Variants in PTPRG observed in about 807,000 individuals in gnomAD.
The protein encoded by PTPRG is receptor-type tyrosine-protein phosphatase gamma.
PTPRG carries 102 observed loss-of-function variants against 165.3 expected under a neutral mutation model. The ratio of observed to expected loss-of-function variants is 0.62; its 90% CI spans 0.53 to 0.73. The LOEUF is 0.73. PTPRG is among the 30% of genes least tolerant of loss of function. The pLI, the probability that PTPRG is intolerant of heterozygous loss-of-function variation, is 0.00. For synonymous variants in PTPRG, 675 were observed against 669.5 expected (o/e 1.01, Z -0.13); for missense variants, 1,866 against 1,861.4 (o/e 1.00, Z -0.05).
chr3:61,914,891 T>C (rs1324445670), intron 2 of PTPRG, among the ~76,000 whole-genome samples: 4 of 152,236 alleles, frequency 2.6e-5, no homozygotes, highest in Non-Finnish European at 5.9e-5. Flanking sequence ...TCTCCAAATG[T>C]TACCATATTG....
At chr3:61,720,212 C>A (rs1240994714) in intron 1 of PTPRG, among the ~76,000 whole-genome samples, 1 of 152,002 alleles carries the variant, frequency 6.6e-6, no homozygotes, top group African/African-American at 2.4e-5. Context: ...CTGCCTCCAC[C>A]TCCTGGGTTC....
intron 2 of PTPRG, among the ~76,000 whole-genome samples, chr3:61,948,241 C>G (rs2039812078): frequency 6.6e-6 from 1 of 152,106 alleles, no homozygotes; most frequent in South Asian, 2.1e-4. Flanking sequence ...AGGAGAATTG[C>G]TTGAACCCAG....
chr3:62,030,580 A>G (rs1277454321), intron 4 of PTPRG, among the ~76,000 whole-genome samples: 2 of 152,152 alleles, frequency 1.3e-5, no homozygotes, highest in African/African-American at 2.4e-5. Flanking sequence ...GTCATCATTG[A>G]TCAATCAGTT....
At chr3:61,800,732 C>G (rs370571798) in intron 2 of PTPRG, among the ~76,000 whole-genome samples, 2 of 151,790 alleles carry the variant, frequency 1.3e-5, no homozygotes, top group African/African-American at 4.8e-5. Context: ...CAACCTCTGC[C>G]TCCTGGGTTC....
chr3:61,580,908 T>C (rs1279117455), intron 1 of PTPRG, among the ~76,000 whole-genome samples: 1 of 152,240 alleles, frequency 6.6e-6, no homozygotes, highest in African/African-American at 2.4e-5. Flanking sequence ...TGTACTGGTT[T>C]CTGGAGGTTT....
Position 62,092,439 on chromosome 3 carries a change from G to GAAA in PTPRG, c.615+14199_615+14201dup, listed in dbSNP as rs55955359. Among the ~76,000 whole-genome samples the GAAA allele has an allele frequency of 4.6e-3, 411 of 89,400 alleles. 9 individuals carry two copies. The highest frequency in any genetic ancestry group is 0.019 in the African/African-American group (378 of 19,856). 58.6% of individuals were successfully genotyped at this position (89,400 alleles called of 152,430 possible). ...TGGGCAACAGAGCAAGAGTCCATCT[G>GAAA]AAAAAAAAAAAAAAAAAAAAGAAAA... On this transcript the variant is annotated intron_variant, in intron 5 of 29. Transcript: ENST00000474889.
intron 5 of PTPRG, among the ~76,000 whole-genome samples, chr3:62,084,084 C>T (rs756261090): frequency 2.6e-5 from 4 of 152,152 alleles, no homozygotes; most frequent in Non-Finnish European, 1.5e-5. Context: ...CATTAAGAAA[C>T]GTTTCTTATG....
At chr3:61,951,753 A>T (rs973169953) in intron 2 of PTPRG, among the ~76,000 whole-genome samples, 9 of 152,196 alleles carry the variant, frequency 5.9e-5, no homozygotes, top group African/African-American at 1.7e-4. Context: ...TCTGTTGCTG[A>T]TGGGGTTACT....
chr3:61,804,014 C>T (rs973070620), intron 2 of PTPRG, among the ~76,000 whole-genome samples: 1 of 152,162 alleles, frequency 6.6e-6, no homozygotes, highest in Admixed American at 6.5e-5. Context: ...AGACCACATT[C>T]ATTCATGGAG....
At position 62,203,604 on chromosome 3, in the gene PTPRG, C is replaced by T. The variant is rs142654692; in HGVS notation, c.1809C>T (p.Ser603=). Reference sequence around the variant, plus strand: ...ACGAGGAGGATGGAGAGAAGGACTCCGAAAAGAAGGAGAAGAGTGGGGTGA... The same window carrying T: ...ACGAGGAGGATGGAGAGAAGGACTCTGAAAAGAAGGAGAAGAGTGGGGTGA... ...REHEEDGEKD[S]EKKEKSGVTH... Residue 603 remains serine, a synonymous_variant, in exon 12 of 30, where the codon TCC becomes TCT. Coordinates refer to ENST00000474889, the MANE Select transcript of PTPRG (RefSeq NM_002841.4). This position sits in a 1 kb window ranked among gnomAD's most constrained non-coding sequence, Gnocchi z 6.4. The T allele has an allele frequency of 1.2e-5, 19 of 1,552,896 alleles. No homozygotes were observed. The highest frequency in any genetic ancestry group is 6.8e-5 in the African/African-American group (5 of 73,230).
chr3:62,180,000 G>A (rs1040377045), intron 8 of PTPRG, among the ~76,000 whole-genome samples: 2 of 152,210 alleles, frequency 1.3e-5, no homozygotes, highest in East Asian at 1.9e-4. Flanking sequence ...AATGCCATGC[G>A]TGAGCCAGGA....
intron 1 of PTPRG, among the ~76,000 whole-genome samples, chr3:61,612,531 C>G (rs113616532): frequency 6.6e-6 from 1 of 152,142 alleles, no homozygotes; most frequent in African/African-American, 2.4e-5. Flanking sequence ...GTGCTGGGCA[C>G]GAATTGCCTG....
At chr3:61,674,324 T>C (rs1184626243) in intron 1 of PTPRG, among the ~76,000 whole-genome samples, 1 of 152,002 alleles carries the variant, frequency 6.6e-6, no homozygotes, top group Admixed American at 6.6e-5. Context: ...ATTCTACTGT[T>C]ACCTAATGTG....
chr3:61,636,532 G>A (rs1225442240), intron 1 of PTPRG, among the ~76,000 whole-genome samples: 1 of 152,156 alleles, frequency 6.6e-6, no homozygotes, highest in Non-Finnish European at 1.5e-5. Context: ...ATGTTGGTCA[G>A]GCTGGTCTCG....
intron 2 of PTPRG, among the ~76,000 whole-genome samples, chr3:61,830,455 T>C (rs779204860): frequency 3.9e-5 from 6 of 152,126 alleles, no homozygotes; most frequent in Non-Finnish European, 7.3e-5. Context: ...AAACAAACTT[T>C]AGGGGCTTCT....
chr3:61,609,711 T>C (rs939249276), intron 1 of PTPRG, among the ~76,000 whole-genome samples: 1 of 151,712 alleles, frequency 6.6e-6, no homozygotes, highest in African/African-American at 2.4e-5. Flanking sequence ...CCAAAAAAAT[T>C]AGCTGGGTGT....
chr3:61,820,809 G>A (rs2035932214), intron 2 of PTPRG, among the ~76,000 whole-genome samples: 2 of 151,880 alleles, frequency 1.3e-5, no homozygotes, highest in South Asian at 2.1e-4. Context: ...CTCTGTGACC[G>A]CAGTGAGAAA....
chr3:62,001,638 A>G (rs73089494), intron 3 of PTPRG, among the ~76,000 whole-genome samples: 14,869 of 151,736 alleles, frequency 0.098, 954 homozygotes, highest in Middle Eastern at 0.21. Flanking sequence ...TTTAGATATT[A>G]TCTTCTAAGA....
At chr3:61,914,250 T>C (rs1268465446) in intron 2 of PTPRG, among the ~76,000 whole-genome samples, 3 of 152,224 alleles carry the variant, frequency 2.0e-5, no homozygotes, top group Non-Finnish European at 4.4e-5. Flanking sequence ...CTTAAGCGTT[T>C]CTTTTTGTGA....
Sources: gnomAD v4.1 joint callset for allele counts (sites outside exome capture counted in the v4.1 genomes callset) on GRCh38, gnomAD v4.1.1 for gene constraint, Gnocchi (gnomAD v3.1) non-coding constraint, MANE v1.5 for transcripts, NCBI Gene and HGNC (gene_info 2026-07-23, HGNC 2026-07-21) for gene names.